The following PCDHA9 variants were observed in gnomAD, a reference collection of about 807,000 sequenced individuals.
The protein encoded by PCDHA9 is protocadherin alpha-9.
In PCDHA9, 62 loss-of-function variants were observed where a neutral mutation model predicts 62.0. The ratio of observed to expected loss-of-function variants is 1.00; its 90% CI spans 0.81 to 1.23. PCDHA9 has a LOEUF of 1.23. PCDHA9 is among the 50% of genes most tolerant of loss of function. The pLI, the probability that PCDHA9 is intolerant of heterozygous loss-of-function variation, is 0.00. For synonymous variants in PCDHA9, 557 were observed against 567.6 expected (o/e 0.98, Z 0.27); for missense variants, 1,205 against 1,249.8 (o/e 0.96, Z 0.54).
chr5:140,877,558 A>G (rs782179941), intron 1 of PCDHA9: 7 of 1,613,628 alleles, frequency 4.3e-6, no homozygotes, highest in Non-Finnish European at 5.9e-6. Flanking sequence ...TCTGGTGGAT[A>G]TTAACGTGTA....
intron 3 of PCDHA9, among the ~76,000 whole-genome samples, chr5:140,992,490 G>A (rs2097515419): frequency 6.6e-6 from 1 of 152,196 alleles, no homozygotes; most frequent in Non-Finnish European, 1.5e-5. Flanking sequence ...AGGCCAATCT[G>A]TAAGGATTCA....
At chr5:140,945,366 T>A (rs1367581632) in intron 1 of PCDHA9, among the ~76,000 whole-genome samples, 6 of 152,036 alleles carry the variant, frequency 3.9e-5, no homozygotes, top group Non-Finnish European at 8.8e-5. Context: ...GTTTAAAATG[T>A]CCATATTACC....
At chr5:140,893,548 C>T (rs2064047739) in intron 1 of PCDHA9, among the ~76,000 whole-genome samples, 1 of 152,126 alleles carries the variant, frequency 6.6e-6, no homozygotes, top group Non-Finnish European at 1.5e-5. Flanking sequence ...TAGGACTTAT[C>T]TAGTTGTAGT....
At chr5:140,925,124 A>AGGAAGG (rs1554202565) in intron 1 of PCDHA9, among the ~76,000 whole-genome samples, 1 of 151,852 alleles carries the variant, frequency 6.6e-6, no homozygotes, top group South Asian at 2.1e-4. Context: ...GAAGGAAGGA[A>AGGAAGG]AAAAAATTTC....
At chr5:140,969,342 G>T (rs1216517284) in intron 1 of PCDHA9, 2 of 1,613,512 alleles carry the variant, frequency 1.2e-6, no homozygotes, top group Non-Finnish European at 1.7e-6. Flanking sequence ...GTGAGACAGT[G>T]GTCAGGGGGT....
rs137875021 is a variant in PCDHA9, at chr5:140,942,837, A to C, written c.2395-36112A>C. Among the ~76,000 whole-genome samples, 666 of 152,296 alleles carry C rather than the reference A, an allele frequency of 4.4e-3. 3 individuals are homozygous for C. Among genetic ancestry groups the C allele is most frequent in the African/African-American group, 0.016 (646 of 41,564 alleles). On this transcript the variant is annotated intron_variant, in intron 1 of 3. Transcript: ENST00000532602. ...TTGGATTTGGCCCTGTGTCAATAAA[A>C]ATTCCAGTAAGATGATTATTTTGCT...
intron 1 of PCDHA9, chr5:140,927,075 C>A (rs1304732952): frequency 1.9e-6 from 3 of 1,611,070 alleles, no homozygotes; most frequent in Non-Finnish European, 2.5e-6. Context: ...TTTCCAGCCA[C>A]CGCGAGCTCT....
At chr5:140,973,263 A>G (rs1458697392) in intron 1 of PCDHA9, among the ~76,000 whole-genome samples, 1 of 152,136 alleles carries the variant, frequency 6.6e-6, no homozygotes, top group Admixed American at 6.5e-5. Flanking sequence ...AGTGGCACCT[A>G]CTTTTATTTC....
Position 140,917,751 on chromosome 5 carries a change from A to G in PCDHA9, c.2395-61198A>G, listed in dbSNP as rs577892904. On this transcript the variant is annotated intron_variant, in intron 1 of 3. Coordinates refer to ENST00000532602, the MANE Select transcript of PCDHA9 (RefSeq NM_031857.2). ...GTTCTCTAACCTGTCCCATTGGTCT[A>G]TGTGTCTGTTTTTGTATTAGTACCA... is the stretch of plus-strand genomic sequence containing the variant. Among the ~76,000 whole-genome samples the G allele has an allele frequency of 3.7e-4, 56 of 152,178 alleles. 2 individuals are homozygous for G. The highest frequency in any genetic ancestry group is 1.3e-3 in the African/African-American group (55 of 41,522).
Position 140,917,790 on chromosome 5 carries a change from A to G in PCDHA9, c.2395-61159A>G, listed in dbSNP as rs540599117. The stretch of plus-strand genomic sequence containing the variant: ...GTATTAGTACCATGTTGTTTTGGTT[A>G]CTGTAGCCTTGCAGTATAGTTGAAG... On this transcript the variant is annotated intron_variant, in intron 1 of 3. Coordinates refer to ENST00000532602, the MANE Select transcript of PCDHA9 (RefSeq NM_031857.2). Among the ~76,000 whole-genome samples the G allele has an allele frequency of 4.6e-5, 7 of 152,046 alleles. No homozygotes were observed. In the East Asian group the frequency reaches 1.2e-3, roughly 25 times the overall value.
At chr5:140,862,306 C>T (rs184682479) in intron 1 of PCDHA9, 3 of 279,438 alleles carry the variant, frequency 1.1e-5, no homozygotes, top group Admixed American at 9.2e-5. Flanking sequence ...CACTGGGTAC[C>T]GTCATAGCCC....
At chr5:140,915,831 G>T (rs1326644343) in intron 1 of PCDHA9, among the ~76,000 whole-genome samples, 1 of 152,168 alleles carries the variant, frequency 6.6e-6, no homozygotes, top group Non-Finnish European at 1.5e-5. Flanking sequence ...AGGGCTCTAA[G>T]ATCAGCAGGG....
chr5:140,906,999 G>C (rs187849442), intron 1 of PCDHA9, among the ~76,000 whole-genome samples: 1 of 152,088 alleles, frequency 6.6e-6, no homozygotes, highest in Non-Finnish European at 1.5e-5. Flanking sequence ...TCCTCCCTCT[G>C]GAACTAAGAC....
At chr5:140,870,876 GA>G (rs34601225) in intron 1 of PCDHA9, 1 of 1,613,958 alleles carries the variant, frequency 6.2e-7, no homozygotes, top group Non-Finnish European at 8.5e-7. Flanking sequence ...ACGTGGTGGC[GA>G]AGGTGCGCGC....
intron 1 of PCDHA9, among the ~76,000 whole-genome samples, chr5:140,895,667 G>A (rs2153450568): frequency 1.3e-5 from 2 of 152,262 alleles, no homozygotes; most frequent in South Asian, 4.1e-4. Context: ...GTGAGAACAT[G>A]TAGTATTTGG....
intron 1 of PCDHA9, chr5:140,853,180 A>G (rs2150529700): frequency 2.0e-6 from 2 of 976,402 alleles, no homozygotes. Flanking sequence ...CGCCTGGCCT[A>G]AAATGTGTTC....
At chr5:140,928,729 G>A (rs2085477021) in intron 1 of PCDHA9, 1 of 1,613,996 alleles carries the variant, frequency 6.2e-7, no homozygotes, top group Non-Finnish European at 8.5e-7. Context: ...TAGAATTTCA[G>A]CCAATATAGG....
At chr5:140,943,670 G>A (rs1161487572) in intron 1 of PCDHA9, among the ~76,000 whole-genome samples, 1 of 152,036 alleles carries the variant, frequency 6.6e-6, no homozygotes, top group Non-Finnish European at 1.5e-5. Flanking sequence ...TGTATAAAGT[G>A]TGAAAAAAAG....
chr5:140,888,941 TAA>T (rs1361014830), intron 1 of PCDHA9, among the ~76,000 whole-genome samples: 2 of 152,086 alleles, frequency 1.3e-5, no homozygotes, highest in Non-Finnish European at 1.5e-5. Flanking sequence ...GAGGGAGGTA[TAA>T]ATTTTTTCTT....
Sources: allele counts gnomAD v4.1 joint callset (sites outside exome capture counted in the v4.1 genomes callset), GRCh38; gene constraint gnomAD v4.1.1; transcripts MANE v1.5; gene names NCBI Gene and HGNC (gene_info 2026-07-23, HGNC 2026-07-21).